The following CLVS1 variants were observed in gnomAD, a reference collection of about 807,000 sequenced individuals.
CLVS1 encodes the protein clavesin-1.
A neutral mutation model predicts 33.1 loss-of-function variants in CLVS1; 10 were observed. The ratio of observed to expected loss-of-function variants is 0.30; its 90% confidence interval spans 0.19 to 0.51. The LOEUF (loss-of-function observed/expected upper bound fraction) is 0.51. Among genes scored for constraint, CLVS1 ranks in the 20% least tolerant of loss-of-function variants. The pLI, the probability that CLVS1 is intolerant of heterozygous loss-of-function variation, is 0.97. For missense variants in CLVS1, 343 were observed against 433.4 expected (o/e 0.79, Z 1.85); for synonymous variants, 163 against 166.1 (o/e 0.98, Z 0.14).
intron 2 of CLVS1, among the ~76,000 whole-genome samples, chr8:61,372,112 A>C (rs1226351375): frequency 6.6e-6 from 1 of 152,188 alleles, no homozygotes; most frequent in Non-Finnish European, 1.5e-5. Context: ...TCCATTTGTC[A>C]TGTTAGTTCA....
At chr8:60,978,880 A>C in the CLVS1 span, among the ~76,000 whole-genome samples, 2 of 151,908 alleles carry the variant, frequency 1.3e-5, no homozygotes, top group Admixed American at 1.3e-4. Flanking sequence ...AAAATGGTAC[A>C]CTATAACACT....
intron 2 of CLVS1, among the ~76,000 whole-genome samples, chr8:61,354,623 C>T (rs1812613099): frequency 6.6e-6 from 1 of 152,066 alleles, no homozygotes; most frequent in South Asian, 2.1e-4. Flanking sequence ...CTGGTACATC[C>T]ATACCATTGA....
Position 61,454,063 on chromosome 8 carries a change from T to C in CLVS1, c.631-78T>C, listed in dbSNP as rs1436934676. The C allele has an allele frequency of 5.1e-6, 5 of 972,184 alleles. No individual in the cohort carries two copies. In the East Asian group the frequency reaches 9.5e-5, roughly 19 times the overall value. The allele number at this position is 972,184 out of a possible 1,614,324, so 60.2% of individuals were successfully genotyped here. A position where few individuals can be genotyped will look rare whatever the true frequency, so the allele number is the denominator to read the frequency against. On this transcript the variant is annotated intron_variant, in intron 3 of 5. Transcript: ENST00000325897. ...CCAGGCAGGAAAAACAGGTTGTTCT[T>C]TGGGGCATTGGTCCTGCTGGTCCAG...
intron 5 of CLVS1, among the ~76,000 whole-genome samples, chr8:61,497,207 AAGTTGTTAAGACTGAC>A (rs1804295734): frequency 6.6e-6 from 1 of 152,138 alleles, no homozygotes; most frequent in Non-Finnish European, 1.5e-5. Context: ...GGACACAGAA[AAGTTGTTAAGACTGAC>A]AGTTGTGGTT....
intron 2 of CLVS1, among the ~76,000 whole-genome samples, chr8:61,146,840 A>C (rs1170565418): frequency 6.6e-6 from 1 of 152,188 alleles, no homozygotes; most frequent in Non-Finnish European, 1.5e-5. Context: ...AAATGTTCAC[A>C]CTGTGACTTG....
chr8:61,159,254 A>C (rs1462252034), intron 2 of CLVS1, among the ~76,000 whole-genome samples: 1 of 152,204 alleles, frequency 6.6e-6, no homozygotes, highest in Non-Finnish European at 1.5e-5. Context: ...GGAGATGCTA[A>C]GTAAATACTT....
chr8:61,428,341 A>ATG (rs903285034), intron 3 of CLVS1, among the ~76,000 whole-genome samples: 3 of 152,134 alleles, frequency 2.0e-5, no homozygotes, highest in Non-Finnish European at 2.9e-5. Flanking sequence ...GCTTGTGTGT[A>ATG]TGTGTGTGTG....
At chr8:61,062,737 C>T (rs922291198) in intron 1 of CLVS1, among the ~76,000 whole-genome samples, 2 of 152,148 alleles carry the variant, frequency 1.3e-5, no homozygotes, top group Non-Finnish European at 1.5e-5. Flanking sequence ...AAAAGAAGTG[C>T]CCTTATGTTG....
intron 2 of CLVS1, among the ~76,000 whole-genome samples, chr8:61,312,418 T>A (rs1810861270): frequency 6.6e-6 from 1 of 152,248 alleles, no homozygotes; most frequent in Non-Finnish European, 1.5e-5. Flanking sequence ...CTGCAAAATA[T>A]AACGTCAGAT....
intron 2 of CLVS1, among the ~76,000 whole-genome samples, chr8:61,175,148 A>ATG (rs983273037): frequency 1.3e-5 from 2 of 152,184 alleles, no homozygotes; most frequent in African/African-American, 4.8e-5. Context: ...TTTATTTGCT[A>ATG]TGGTCTGAAT....
intron 2 of CLVS1, among the ~76,000 whole-genome samples, chr8:61,331,849 CCTT>C (rs1168841402): frequency 0.01 from 1,518 of 147,512 alleles, 29 homozygotes; most frequent in African/African-American, 0.037. Flanking sequence ...TCCTCCTCCT[CCTT>C]CTTCTTCTCC....
chr8:61,002,564 C>T, the CLVS1 span, among the ~76,000 whole-genome samples: 8 of 151,914 alleles, frequency 5.3e-5, no homozygotes, highest in Non-Finnish European at 8.8e-5. Context: ...GAACCCCTGA[C>T]CTCATGATCC....
intron 2 of CLVS1, among the ~76,000 whole-genome samples, chr8:61,347,508 T>C (rs1317330523): frequency 6.6e-6 from 1 of 151,376 alleles, no homozygotes; most frequent in Non-Finnish European, 1.5e-5. Flanking sequence ...GGTCAAAGGA[T>C]ATAGAATTTC....
chr8:61,484,185 T>C lies in CLVS1; in HGVS notation c.978-15270T>C, dbSNP rs547471400. Among the ~76,000 whole-genome samples, 8 of 152,302 alleles carry C rather than the reference T, an allele frequency of 5.3e-5. No homozygotes were observed. In the South Asian group the frequency reaches 1.7e-3, roughly 32 times the overall value. ...TTTGCACATGACATGATTTTATATT[T>C]AGAAAACCCCATCATCTCAGCCCTA... On this transcript the variant is annotated intron_variant, in intron 5 of 5. Coordinates refer to ENST00000325897, the MANE Select transcript of CLVS1 (RefSeq NM_173519.3).
At chr8:61,330,799 G>C (rs374292527) in intron 2 of CLVS1, among the ~76,000 whole-genome samples, 1 of 151,998 alleles carries the variant, frequency 6.6e-6, no homozygotes, top group South Asian at 2.1e-4. Flanking sequence ...AAAACATTGT[G>C]TGGTGCTGGA....
upstream of CLVS1, among the ~76,000 whole-genome samples, chr8:61,286,469 C>T (rs951172164): frequency 6.6e-6 from 1 of 152,300 alleles, no homozygotes; most frequent in South Asian, 2.1e-4. Flanking sequence ...TTTTGAATCT[C>T]TAAGTTTTAG....
chr8:61,447,263 A>C (rs1321486684), intron 3 of CLVS1, among the ~76,000 whole-genome samples: 1 of 152,010 alleles, frequency 6.6e-6, no homozygotes, highest in East Asian at 1.9e-4. Flanking sequence ...GTTGCAGCCT[A>C]TATATTTATA....
chr8:61,150,886 C>T (rs939486587), intron 2 of CLVS1, among the ~76,000 whole-genome samples: 4 of 152,102 alleles, frequency 2.6e-5, no homozygotes, highest in African/African-American at 4.8e-5. Context: ...TGAAAGTCAT[C>T]GTTCCTGGCC....
the CLVS1 span, among the ~76,000 whole-genome samples, chr8:61,044,451 A>G: frequency 6.6e-6 from 1 of 152,156 alleles, no homozygotes; most frequent in African/African-American, 2.4e-5. Context: ...TGAAAGTGGC[A>G]CATCCTGGAT....
Sources: allele counts gnomAD v4.1 joint callset (sites outside exome capture counted in the v4.1 genomes callset), GRCh38; gene constraint gnomAD v4.1.1; transcripts MANE v1.5; gene names NCBI Gene and HGNC (gene_info 2026-07-23, HGNC 2026-07-21).